Variants in HSPA14 observed in about 807,000 individuals in gnomAD.
HSPA14 encodes heat shock protein family A (Hsp70) member 14.
In HSPA14, 37 loss-of-function variants were observed where a neutral mutation model predicts 65.5. The ratio of observed to expected loss-of-function variants is 0.56; its 90% CI spans 0.43 to 0.74. HSPA14 has a LOEUF of 0.74. Among genes scored for constraint, HSPA14 ranks in the 30% least tolerant of loss-of-function variants. The pLI is 0.00. For missense variants in HSPA14, 564 were observed against 607.6 expected (o/e 0.93, Z 0.75); for synonymous variants, 203 against 214.2 (o/e 0.95, Z 0.46).
intron 3 of HSPA14, chr10:14,846,269 C>G: frequency 2.0e-6 from 2 of 985,334 alleles, no homozygotes; most frequent in Non-Finnish European, 2.4e-6. Flanking sequence ...CACAGAAGTA[C>G]TTGACGGAGA....
At chr10:14,845,074 A>C in intron 3 of HSPA14, 3 of 985,478 alleles carry the variant, frequency 3.0e-6, no homozygotes, top group Non-Finnish European at 3.6e-6. Context: ...TGCCTGCAAT[A>C]GATGACTCCT....
intron 3 of HSPA14, among the ~76,000 whole-genome samples, chr10:14,848,073 A>ATAATTTT (rs1834076133): frequency 6.6e-6 from 1 of 152,260 alleles, no homozygotes; most frequent in Admixed American, 6.5e-5. Context: ...AACATTTTGT[A>ATAATTTT]GTCTGCATAA....
At chr10:14,852,634 G>C (rs997054659) in intron 8 of HSPA14, 103 bp downstream of exon 8, 2 of 966,780 alleles carry the variant, frequency 2.1e-6, no homozygotes, top group Non-Finnish European at 3.1e-6. Flanking sequence ...TGCAAAGGAG[G>C]ATGTGGTTTT....
chr10:14,841,173 A>G (rs1833967148), intron 3 of HSPA14: 1 of 152,202 alleles, frequency 6.6e-6, no homozygotes, highest in Admixed American at 6.5e-5. Context: ...CAGGATACTT[A>G]TGCACTAAGC....
chr10:14,847,870 T>C (rs1834073934), intron 3 of HSPA14, among the ~76,000 whole-genome samples: 1 of 152,176 alleles, frequency 6.6e-6, no homozygotes, highest in Non-Finnish European at 1.5e-5. Context: ...ATTTACAAGA[T>C]GAGTGGGAGG....
chr10:14,859,309 T>A lies in HSPA14; in HGVS notation c.993+3366T>A, dbSNP rs1037398345. On this transcript the variant is annotated intron_variant, in intron 10 of 13. Transcript: ENST00000378372. Reference sequence around the variant, plus strand: ...GCTTTCCAGCCCTTGTGTTTTCACTTCTGTGCTTCACCCTCGCTTTCTGTG... The same window carrying A: ...GCTTTCCAGCCCTTGTGTTTTCACTACTGTGCTTCACCCTCGCTTTCTGTG... Among the ~76,000 whole-genome samples, 221 of 152,300 alleles carry A rather than the reference T, an allele frequency of 1.5e-3. 2 individuals carry two copies. Among genetic ancestry groups the A allele is most frequent in the African/African-American group, 5.1e-3 (210 of 41,566 alleles).
chr10:14,866,984 T>A (rs978835469), intron 10 of HSPA14, 99 bp from the exon 11 acceptor site: 7 of 805,812 alleles, frequency 8.7e-6, no homozygotes, highest in Non-Finnish European at 1.4e-5. Context: ...TTGTATTTTA[T>A]CTTTACATAC....
chr10:14,840,171 T>C lies in HSPA14; in HGVS notation c.221+14T>C. On this transcript the variant is annotated intron_variant, in intron 3 of 13. Transcript: ENST00000378372. The stretch of plus-strand genomic sequence containing the variant: ...CCTGGGCAGAAGGTATGGAATCAAA[T>C]GATACTTTTAAATATGGTAATAGGA... 7.8e-7 allele frequency: 1 copy of C among 1,275,794 alleles called. No homozygotes were observed. The highest frequency in any genetic ancestry group is 2.4e-5 in the Admixed American group (1 of 42,126). The allele number at this position is 1,275,794 out of a possible 1,614,324, so 79.0% of individuals were successfully genotyped here.
intron 3 of HSPA14, among the ~76,000 whole-genome samples, chr10:14,847,407 T>C (rs1306364172): frequency 1.3e-5 from 2 of 152,210 alleles, no homozygotes; most frequent in East Asian, 3.8e-4. Flanking sequence ...ATAGTTAATA[T>C]TAAATACTGA....
intron 3 of HSPA14, chr10:14,843,363 T>C: frequency 6.4e-7 from 1 of 1,550,730 alleles, no homozygotes; most frequent in Non-Finnish European, 8.7e-7. Flanking sequence ...TGTTGCTTTG[T>C]TTTTCAGGGT....
At chr10:14,849,428 G>A (rs763639490) in intron 5 of HSPA14, 24 of 540,116 alleles carry the variant, frequency 4.4e-5, no homozygotes, top group Middle Eastern at 2.9e-4. Context: ...ACATGGATGC[G>A]TTAGGAGCTT....
In HSPA14 at chr10:14,847,309, T is replaced by C. The variant is rs566091998; in HGVS notation, c.222-1300T>C. On this transcript the variant is annotated intron_variant, in intron 3 of 13. Transcript: ENST00000378372. ...TAAATTCTAAAGAAAACAGAACTAG[T>C]AAGTGTCATGCTGAAATTCTAATAT... Among the ~76,000 whole-genome samples the C allele has an allele frequency of 3.3e-5, 5 of 152,336 alleles. No individual in the cohort carries two copies. In the South Asian group the frequency reaches 1.0e-3, roughly 32 times the overall value.
At chr10:14,843,657 G>A in intron 3 of HSPA14, 1 of 1,549,260 alleles carries the variant, frequency 6.5e-7, no homozygotes, top group Non-Finnish European at 8.7e-7. Context: ...TCGCAGCCGA[G>A]TTGGCAGAAA....
intron 1 of HSPA14, among the ~76,000 whole-genome samples, chr10:14,838,850 A>T (rs1258628623): frequency 6.6e-6 from 1 of 151,812 alleles, no homozygotes; most frequent in Admixed American, 6.6e-5. Flanking sequence ...GGTCACGGGG[A>T]CGTCCTGGCC....
rs1488289442 is a variant in HSPA14 at position 14,855,955 on chromosome 10, A to T, written c.993+12A>T. ...ATGATATCAACAAGGTAATGCTTTT[A>T]CATTTTTCTTAACTATTTTAGGTGT... On this transcript the variant is annotated intron_variant, in intron 10 of 13. Transcript: ENST00000378372. 7.0e-7 allele frequency: 1 copy of T among 1,436,374 alleles called. No homozygotes were observed. Among genetic ancestry groups the T allele is most frequent in the African/African-American group, 1.4e-5 (1 of 71,386 alleles). 89.0% of individuals were successfully genotyped at this position (1,436,374 alleles called of 1,614,324 possible). A position where few individuals can be genotyped will look rare whatever the true frequency, so the allele number is the denominator to read the frequency against.
intron 7 of HSPA14, among the ~76,000 whole-genome samples, chr10:14,852,055 A>G (rs1834112266): frequency 6.6e-6 from 1 of 152,232 alleles, no homozygotes; most frequent in African/African-American, 2.4e-5. Flanking sequence ...TAGAATTTCT[A>G]TGTTCAGTTC....
intron 10 of HSPA14, among the ~76,000 whole-genome samples, chr10:14,862,723 A>G (rs1832766731): frequency 6.6e-6 from 1 of 151,724 alleles, no homozygotes; most frequent in Non-Finnish European, 1.5e-5. Flanking sequence ...TCTGTCATCC[A>G]GGCTGGAGTG....
At chr10:14,857,993 T>A (rs1473969123) in intron 10 of HSPA14, among the ~76,000 whole-genome samples, 2 of 152,044 alleles carry the variant, frequency 1.3e-5, no homozygotes, top group Non-Finnish European at 2.9e-5. Flanking sequence ...GCATGTTGTA[T>A]GATGGTAGTA....
chr10:14,867,832 A>G lies in HSPA14; in HGVS notation c.1303A>G (p.Ser435Gly). 2 of 1,614,180 alleles carry G rather than the reference A, an allele frequency of 1.2e-6. No homozygotes were observed. The highest frequency in any genetic ancestry group is 1.7e-6 in the Non-Finnish European group (2 of 1,180,020). ...ACAACACACATTGCAAGCCCCTGGA[A>G]GCATATCTTCAGTGTGCCTTGAACT... ...RRQHTLQAPG[S>G]ISSVCLELYE... Residue 435 changes from serine (S) to glycine (G), a missense_variant, in exon 12 of 14, where the codon AGC becomes GGC. Physicochemically the swap from Ser to Gly is moderately conservative, Grantham distance 56. Transcript: ENST00000378372.
Sources: allele counts gnomAD v4.1 joint callset (sites outside exome capture counted in the v4.1 genomes callset), GRCh38; gene constraint gnomAD v4.1.1; transcripts MANE v1.5; gene names NCBI Gene and HGNC (gene_info 2026-07-23, HGNC 2026-07-21).